IQCK: variants seen among roughly 807,000 people sequenced by gnomAD.
IQCK encodes the protein IQ motif containing K, also known as IQ domain-containing protein K.
In IQCK, 29 loss-of-function variants were observed where a neutral mutation model predicts 28.1. That is an observed-to-expected ratio of 1.03 (90% CI 0.77 to 1.41). The LOEUF (loss-of-function observed/expected upper bound fraction) is 1.41. Among genes scored for constraint, IQCK ranks in the 40% most tolerant of loss-of-function variants. The pLI is 0.00. For synonymous variants in IQCK, 113 were observed against 115.1 expected, an observed-to-expected ratio of 0.98 and a Z score of 0.12; for missense variants, 359 against 314.7, an observed-to-expected ratio of 1.14 and a Z score of -1.07.
intron 6 of IQCK, among the ~76,000 whole-genome samples, chr16:19,784,600 C>A (rs1197854658): frequency 6.6e-6 from 1 of 152,122 alleles, no homozygotes; most frequent in Non-Finnish European, 1.5e-5. Context: ...CCAAGAGGAG[C>A]AAACACAGGA....
At chr16:19,745,613 GATATA>G (rs1242832807) in intron 4 of IQCK, among the ~76,000 whole-genome samples, 5 of 152,200 alleles carry the variant, frequency 3.3e-5, no homozygotes, top group African/African-American at 7.2e-5. Flanking sequence ...ATGCTTAGAT[GATATA>G]ATATAACCTA....
chr16:19,827,956 A>C (rs2056170703), downstream of IQCK, among the ~76,000 whole-genome samples: 2 of 151,668 alleles, frequency 1.3e-5, no homozygotes, highest in South Asian at 4.2e-4. Context: ...CTGTTCGCCC[A>C]GGCTGGAGTG....
At chr16:19,821,721 A>G (rs990797652) in intron 7 of IQCK, among the ~76,000 whole-genome samples, 1 of 152,086 alleles carries the variant, frequency 6.6e-6, no homozygotes, top group Non-Finnish European at 1.5e-5. Context: ...ACAAAAACTC[A>G]TACACAAATG....
At chr16:19,737,018 C>T (rs925154910) in intron 4 of IQCK, among the ~76,000 whole-genome samples, 3 of 151,548 alleles carry the variant, frequency 2.0e-5, no homozygotes, top group Non-Finnish European at 2.9e-5. Context: ...GAAAATTAGC[C>T]AGGCATGGTG....
At chr16:19,744,023 T>C (rs2054872622) in intron 4 of IQCK, among the ~76,000 whole-genome samples, 1 of 152,150 alleles carries the variant, frequency 6.6e-6, no homozygotes, top group Non-Finnish European at 1.5e-5. Flanking sequence ...TCTGCACACA[T>C]GAATTCAGGC....
intron 6 of IQCK, among the ~76,000 whole-genome samples, chr16:19,774,398 C>CTTTTTTTTTTTT (rs1167894201): frequency 9.6e-6 from 1 of 104,100 alleles, no homozygotes; most frequent in African/African-American, 3.7e-5. Context: ...TTAGCTAATA[C>CTTTTTTTTTTTT]TTTTTTTTTT....
intron 1 of IQCK, 78 bp downstream of exon 1, chr16:19,718,565 G>A: frequency 7.7e-7 from 1 of 1,303,144 alleles, no homozygotes; most frequent in Non-Finnish European, 9.9e-7. Flanking sequence ...CGCCCACTGT[G>A]CGCCTGTCGG....
chr16:19,775,242 A>G (rs1452414344), intron 6 of IQCK, among the ~76,000 whole-genome samples: 3 of 151,896 alleles, frequency 2.0e-5, no homozygotes, highest in African/African-American at 7.3e-5. Flanking sequence ...AAAAAAAAAA[A>G]AAAGAAGACT....
At chr16:19,747,470 G>T (rs901238437) in intron 4 of IQCK, among the ~76,000 whole-genome samples, 1 of 152,042 alleles carries the variant, frequency 6.6e-6, no homozygotes, top group African/African-American at 2.4e-5. Context: ...GCCCAGATCC[G>T]AAGAGTTAGG....
chr16:19,743,019 A>G (rs912557541), intron 4 of IQCK, among the ~76,000 whole-genome samples: 6 of 152,132 alleles, frequency 3.9e-5, no homozygotes, highest in African/African-American at 1.4e-4. Flanking sequence ...GAATACAAAA[A>G]AATTAGTTGG....
intron 1 of IQCK, among the ~76,000 whole-genome samples, chr16:19,729,437 G>T (rs948843038): frequency 2.0e-5 from 3 of 151,478 alleles, no homozygotes; most frequent in African/African-American, 4.8e-5. Context: ...CCTCTCCTCC[G>T]CATGTGCTCT....
In IQCK at chr16:19,834,160, C is replaced by T. The variant is rs1051271339; in HGVS notation, c.802+7023C>T. The stretch of plus-strand genomic sequence containing the variant: ...TAGCCCATGTAATTGGGTGCATTGC[C>T]GAGAGCAAAGAAGGATGTCTGCAAC... On this transcript the variant is annotated intron_variant, in intron 9 of 9. Transcript: ENST00000320394. 6.6e-5 allele frequency among the ~76,000 whole-genome samples: 10 copies of T among 152,086 alleles called. No individual in the cohort carries two copies. The East Asian group carries it at 1.5e-3, about 24-fold the overall frequency.
chr16:19,798,999 T>C lies in IQCK; in HGVS notation c.690+10077T>C, dbSNP rs572560727. 1.3e-3 allele frequency among the ~76,000 whole-genome samples: 54 copies of C among 40,368 alleles called. 1 individual carries two copies. The highest frequency in any genetic ancestry group is 2.1e-3 in the African/African-American group (4 of 1,910). 26.5% of individuals were successfully genotyped at this position (40,368 alleles called of 152,430 possible). On this transcript the variant is annotated intron_variant, in intron 7 of 7. Transcript: ENST00000564186. ...CCTGGATATAAGGGATCCTCTCACC[T>C]TGGCCTCCCAAAGTGTAGGGATTAT...
At chr16:19,718,600 C>T (rs924583480) in intron 1 of IQCK, 113 bp downstream of exon 1, 14 of 967,826 alleles carry the variant, frequency 1.4e-5, no homozygotes, top group Admixed American at 8.5e-5. Flanking sequence ...CGCCGGGCAG[C>T]GGCTCCGCGG....
chr16:19,778,426 C>T (rs1266085999), intron 6 of IQCK, among the ~76,000 whole-genome samples: 1 of 151,918 alleles, frequency 6.6e-6, no homozygotes, highest in Non-Finnish European at 1.5e-5. Flanking sequence ...GAGGCCGAGG[C>T]GGGAGGATTG....
At chr16:19,777,395 G>T (rs1048386444) in intron 6 of IQCK, among the ~76,000 whole-genome samples, 5 of 152,050 alleles carry the variant, frequency 3.3e-5, no homozygotes, top group African/African-American at 9.7e-5. Flanking sequence ...ACTGCATTTC[G>T]TACTAAAGAT....
In IQCK at chr16:19,766,905, G is replaced by A. The variant is rs115298621; in HGVS notation, c.605+2793G>A. ...GCCAATGCAGTAAAACCCCATCTCCGCTAAAAATACAAAAATTTGCCAGGT... is the reference window on the plus strand; with the variant it reads ...GCCAATGCAGTAAAACCCCATCTCCACTAAAAATACAAAAATTTGCCAGGT... On this transcript the variant is annotated intron_variant, in intron 6 of 7. Coordinates refer to ENST00000564186, the Ensembl canonical transcript of IQCK. Among the ~76,000 whole-genome samples the A allele has an allele frequency of 3.2e-3, 487 of 152,248 alleles. 2 individuals are homozygous for A. Among genetic ancestry groups the A allele is most frequent in the African/African-American group, 0.011 (461 of 41,552 alleles).
In IQCK at chr16:19,852,603, C is replaced by A. The variant is rs2056497216; in HGVS notation, c.803-3884C>A. ...ACACTATATGTATTATTCCGTGCCT[C>A]TCATCTTTCCTTCAACTTTTTTTTT... On this transcript the variant is annotated intron_variant, in intron 9 of 9. Coordinates refer to the IQCK transcript ENST00000320394. Among the ~76,000 whole-genome samples, 2 of 150,714 alleles carry A rather than the reference C, an allele frequency of 1.3e-5. 1 individual carries two copies. Among genetic ancestry groups the A allele is most frequent in the South Asian group, 4.2e-4 (2 of 4,726 alleles).
intron 6 of IQCK, among the ~76,000 whole-genome samples, chr16:19,764,997 C>T (rs570443228): frequency 1.2e-4 from 17 of 143,082 alleles, no homozygotes; most frequent in East Asian, 6.8e-4. Flanking sequence ...CCGTGCCCGG[C>T]GGATCACGAG....
Sources: gnomAD v4.1 joint callset for allele counts (sites outside exome capture counted in the v4.1 genomes callset) on GRCh38, gnomAD v4.1.1 for gene constraint, MANE v1.5 for transcripts, NCBI Gene and HGNC (gene_info 2026-07-23, HGNC 2026-07-21) for gene names.